The following THAP9 variants were observed in gnomAD, a reference collection of about 807,000 sequenced individuals.
The protein encoded by THAP9 is THAP domain containing 9, also known as DNA transposase THAP9.
In THAP9, 20 loss-of-function variants were observed where a neutral mutation model predicts 35.7. The ratio of observed to expected loss-of-function variants is 0.56; its 90% confidence interval spans 0.39 to 0.81. THAP9 has a LOEUF of 0.81. Ranked by LOEUF, THAP9 falls within the 40% of genes least tolerant of loss-of-function variation. THAP9 has a pLI of 0.00. For synonymous variants in THAP9, 335 were observed against 373.7 expected (o/e 0.90, Z 1.19); for missense variants, 870 against 1,047.4 (o/e 0.83, Z 2.34).
At chr4:82,904,189 C>T (rs1334753432) in intron 1 of THAP9, among the ~76,000 whole-genome samples, 4 of 151,530 alleles carry the variant, frequency 2.6e-5, no homozygotes, top group Non-Finnish European at 5.9e-5. Context: ...TCAGCCTCCC[C>T]AGTAGCTGGG....
intron 1 of THAP9, among the ~76,000 whole-genome samples, chr4:82,904,029 C>CA (rs1720536050): frequency 6.6e-6 from 1 of 150,568 alleles, no homozygotes; most frequent in Non-Finnish European, 1.5e-5. Context: ...AGCCCATACT[C>CA]ACTCAAGGGG....
intron 4 of THAP9, 135 bp downstream of exon 4, chr4:82,908,070 C>A: frequency 1.2e-6 from 1 of 857,026 alleles, no homozygotes; most frequent in Non-Finnish European, 1.7e-6. Context: ...GCTATTAGTA[C>A]TCATACTCCC....
At position 82,918,541 on chromosome 4, in the gene THAP9, C is replaced by G. The variant is rs766575010; in HGVS notation, c.2329C>G (p.Arg777Gly). ...SLCRVINICERVVRTHSRMAI... is the reference protein window; with the variant it reads ...SLCRVINICEGVVRTHSRMAI... ...GTGTCGGGTCATAAATATTTGTGAG[C>G]GAGTTGTAAGAACCCATTCAAGAAT... is the stretch of plus-strand genomic sequence containing the variant. Residue 777 changes from arginine to glycine, a missense_variant, in exon 5 of 5, where the codon CGA becomes GGA. Arg to Gly is a moderately radical substitution (Grantham distance 125, BLOSUM62 -2). This residue lies in a region of THAP9 where 414 missense variants were observed against 500.8 expected (regional missense o/e 0.83). Transcript: ENST00000302236. 1 of 1,613,910 alleles carries G rather than the reference C, an allele frequency of 6.2e-7. No individual in the cohort carries two copies. Among genetic ancestry groups the G allele is most frequent in the Admixed American group, 1.7e-5 (1 of 59,986 alleles).
intron 1 of THAP9, among the ~76,000 whole-genome samples, chr4:82,904,253 C>T (rs186744136): frequency 3.3e-5 from 5 of 151,838 alleles, no homozygotes; most frequent in South Asian, 4.2e-4. Flanking sequence ...TTAGTAGAGA[C>T]GGGGTTTCAC....
rs1403067411 is a variant in THAP9, at chr4:82,917,010, A to C, written c.798A>C (p.Arg266Ser). 1 of 1,573,596 alleles carries C rather than the reference A, an allele frequency of 6.4e-7. No homozygotes were observed. The highest frequency in any genetic ancestry group is 8.6e-7 in the Non-Finnish European group (1 of 1,162,668). Reference sequence around the variant, plus strand: ...ACATTTTTTCTTTTCTTCAACGAAGAGTAGAGAATGGAGATCAGCTCTATC... The same window carrying C: ...ACATTTTTTCTTTTCTTCAACGAAGCGTAGAGAATGGAGATCAGCTCTATC... ...NSNIFSFLQR[R>S]VENGDQLYQY... The change falls in exon 5 of 5, where the codon AGA becomes AGC. Residue 266 changes from arginine to serine, a missense_variant. Physicochemically the swap from Arg to Ser is moderately radical, Grantham distance 110. This residue lies in a region of THAP9 where 440 missense variants were observed against 501.2 expected (regional missense o/e 0.88). Transcript: ENST00000302236.
chr4:82,907,890 A>G lies in THAP9; in HGVS notation c.686A>G (p.Tyr229Cys). Residue 229 changes from tyrosine to cysteine, a missense_variant, in exon 4 of 5, where the codon TAT becomes TGT. Tyr to Cys is a radical substitution (Grantham distance 194). This residue lies in a region of THAP9 where 440 missense variants were observed against 501.2 expected (regional missense o/e 0.88). Coordinates refer to ENST00000302236, the MANE Select transcript of THAP9 (RefSeq NM_024672.6). ...LYLCSSKVYD[Y>C]VRKILKLPHS... Reference sequence around the variant, plus strand: ...TTGTGCAGTAGCAAAGTCTATGATTATGTAAGAAAGATTCTTAAGCTGCCT... The same window carrying G: ...TTGTGCAGTAGCAAAGTCTATGATTGTGTAAGAAAGATTCTTAAGCTGCCT... The G allele has an allele frequency of 6.2e-7, 1 of 1,611,550 alleles. No individual in the cohort carries two copies. Among genetic ancestry groups the G allele is most frequent in the Non-Finnish European group, 8.5e-7 (1 of 1,179,118 alleles).
At position 82,918,700 on chromosome 4, in the gene THAP9, AAT is replaced by A; in HGVS notation, c.2489_2490del (p.Asn830ThrfsTer19). ...CTTTGATGGAGAAGTGTGTGCCATCAATCACTTTGTCAAGTTGCTAAAGGATA... is the reference window on the plus strand; with the variant it reads ...CTTTGATGGAGAAGTGTGTGCCATCACACTTTGTCAAGTTGCTAAAGGATA... The part of the protein sequence containing the change: ...HLFDGEVCAI[N>X]HFVKLLKDII... On this transcript the variant is annotated frameshift_variant, in exon 5 of 5. Coordinates refer to ENST00000302236, the MANE Select transcript of THAP9 (RefSeq NM_024672.6). LOFTEE classifies it low-confidence loss of function (END_TRUNC). 4 of 1,614,046 alleles carry A rather than the reference AAT, an allele frequency of 2.5e-6. No individual in the cohort carries two copies. The highest frequency in any genetic ancestry group is 3.4e-6 in the Non-Finnish European group (4 of 1,179,956).
At position 82,917,103 on chromosome 4, in the gene THAP9, C is replaced by T; in HGVS notation, c.891C>T (p.His297=). The change falls in exon 5 of 5, where the codon CAC becomes CAT. Residue 297 remains histidine, a synonymous_variant. Transcript: ENST00000302236. ...AGCTTCAGTGGGATCCTAGCAGTCACAGTTTGCAGGGGTTTATGGACTTTG... is the reference window on the plus strand; with the variant it reads ...AGCTTCAGTGGGATCCTAGCAGTCATAGTTTGCAGGGGTTTATGGACTTTG... ...KQQLQWDPSS[H]SLQGFMDFGL... 6.2e-7 allele frequency: 1 copy of T among 1,613,402 alleles called. No individual in the cohort carries two copies. Among genetic ancestry groups the T allele is most frequent in the South Asian group, 1.1e-5 (1 of 91,006 alleles).
At chr4:82,902,489 G>C (rs1195980800) in intron 1 of THAP9, among the ~76,000 whole-genome samples, 1 of 152,142 alleles carries the variant, frequency 6.6e-6, no homozygotes, top group African/African-American at 2.4e-5. Flanking sequence ...CATGGACTAA[G>C]AATATCAACA....
At position 82,918,783 on chromosome 4, in the gene THAP9, ACAT is replaced by A. The variant is rs755761571; in HGVS notation, c.2575_2577del (p.His859del). The A allele has an allele frequency of 1.9e-6, 3 of 1,613,842 alleles. No individual in the cohort carries two copies. The highest frequency in any genetic ancestry group is 3.3e-5 in the Admixed American group (2 of 60,008). ...AAAATGTTGCACAGAATCCTTTAAA[ACAT>A]CATTCAGAGAGAACTGATATGAAAA... On this transcript the variant is annotated inframe_deletion, in exon 5 of 5. Transcript: ENST00000302236.
intron 4 of THAP9, among the ~76,000 whole-genome samples, chr4:82,911,995 C>T (rs1451097816): frequency 1.3e-5 from 2 of 152,130 alleles, no homozygotes; most frequent in South Asian, 2.1e-4. Flanking sequence ...GATAGGGTGC[C>T]TCATGAATTT....
chr4:82,907,306 A>G (rs181927491), intron 3 of THAP9, among the ~76,000 whole-genome samples: 1 of 151,986 alleles, frequency 6.6e-6, no homozygotes, highest in Non-Finnish European at 1.5e-5. Context: ...TGTTTTTCCA[A>G]GAGGGGACTA....
Position 82,919,209 on chromosome 4 carries a change from C to T in THAP9, c.*285C>T. On this transcript the variant is annotated 3_prime_UTR_variant, in exon 5 of 5. Transcript: ENST00000302236. ...ACTACTGTAAGACTAAGCAGTGTTA[C>T]TGGACACAGTTTTAACTTGTTCAAT... The T allele has an allele frequency of 4.3e-6, 1 of 233,500 alleles. No homozygotes were observed. Among genetic ancestry groups the T allele is most frequent in the Non-Finnish European group, 8.3e-6 (1 of 120,300 alleles). 14.5% of individuals were successfully genotyped at this position (233,500 alleles called of 1,614,324 possible). A position where few individuals can be genotyped will look rare whatever the true frequency, so the allele number is the denominator to read the frequency against.
Position 82,919,112 on chromosome 4 carries a change from T to C in THAP9, c.*188T>C, listed in dbSNP as rs111701961. On this transcript the variant is annotated 3_prime_UTR_variant, in exon 5 of 5. Transcript: ENST00000302236. The stretch of plus-strand genomic sequence containing the variant: ...CTTTTGGTATGGCTTGCAGCATTTA[T>C]GAGTTTTCCAAAATATAGAAAGCAG... 3,751 of 498,786 alleles carry C rather than the reference T, an allele frequency of 7.5e-3. 50 individuals carry two copies. Among genetic ancestry groups the C allele is most frequent in the Middle Eastern group, 0.016 (29 of 1,790 alleles). 30.9% of individuals were successfully genotyped at this position (498,786 alleles called of 1,614,324 possible).
In THAP9 at chr4:82,917,784, G is replaced by A. The variant is rs142358186; in HGVS notation, c.1572G>A (p.Arg524=). 1.1e-4 allele frequency: 180 copies of A among 1,613,746 alleles called. No homozygotes were observed. The highest frequency in any genetic ancestry group is 1.4e-4 in the Non-Finnish European group (170 of 1,179,954). The change falls in exon 5 of 5, where the codon AGG becomes AGA. Residue 524 remains arginine, a synonymous_variant. Coordinates refer to ENST00000302236, the MANE Select transcript of THAP9 (RefSeq NM_024672.6). ...INNLFDIFNS[R]NCYGKGLKGP... is the part of the protein sequence containing the mutation. ...ATCTGTTTGACATCTTTAATAGTAG[G>A]AACTGTTATGGAAAGGGACTTAAAG... is the stretch of plus-strand genomic sequence containing the variant.
intron 4 of THAP9, chr4:82,913,226 C>T (rs1482484189): frequency 6.6e-6 from 1 of 152,114 alleles, no homozygotes; most frequent in African/African-American, 2.4e-5. Flanking sequence ...AACAAATCCA[C>T]GTACCATTCT....
intron 1 of THAP9, among the ~76,000 whole-genome samples, chr4:82,902,810 G>A (rs1311279306): frequency 1.3e-5 from 2 of 152,144 alleles, no homozygotes; most frequent in Non-Finnish European, 2.9e-5. Flanking sequence ...AGGAAAGATC[G>A]AACTTTGGAT....
At position 82,918,206 on chromosome 4, in the gene THAP9, G is replaced by T. The variant is rs774105343; in HGVS notation, c.1994G>T (p.Arg665Leu). ...AGCATCTTTGACATTTCAATTGCTC[G>T]AAGGAAAGACTTGGCGCTTTGGACA... ...KVSIFDISIA[R>L]RKDLALWTVQ... Residue 665 changes from arginine to leucine, a missense_variant, in exon 5 of 5, where the codon CGA (arginine) becomes CTA (leucine). Arg to Leu is a moderately radical substitution (Grantham distance 102, BLOSUM62 -2). Coordinates refer to ENST00000302236, the MANE Select transcript of THAP9 (RefSeq NM_024672.6). The T allele has an allele frequency of 3.7e-6, 6 of 1,614,034 alleles. No homozygotes were observed. Among genetic ancestry groups the T allele is most frequent in the Non-Finnish European group, 5.1e-6 (6 of 1,180,008 alleles).
In THAP9 at chr4:82,918,689, T is replaced by G. The variant is rs186577808; in HGVS notation, c.2477T>G (p.Val826Gly). 146 of 1,613,888 alleles carry G rather than the reference T, an allele frequency of 9.0e-5. No individual in the cohort carries two copies. The East Asian group carries it at 3.1e-3, about 34-fold the overall frequency. ...DVNKHLFDGE[V>G]CAINHFVKLL... Reference sequence around the variant, plus strand: ...AATAAGCATCTCTTTGATGGAGAAGTGTGTGCCATCAATCACTTTGTCAAG... The same window carrying G: ...AATAAGCATCTCTTTGATGGAGAAGGGTGTGCCATCAATCACTTTGTCAAG... Residue 826 changes from valine to glycine, a missense_variant, in exon 5 of 5, where the codon GTG becomes GGG. Around this residue, in one of 3 missense-constraint regions of THAP9, gnomAD observed 414 missense variants for 500.8 expected, o/e 0.83. Coordinates refer to ENST00000302236, the MANE Select transcript of THAP9 (RefSeq NM_024672.6).
Sources: gnomAD v4.1 joint callset for allele counts (sites outside exome capture counted in the v4.1 genomes callset) on GRCh38, gnomAD v4.1.1 for gene constraint, gnomAD v4.1.1 regional missense constraint, MANE v1.5 for transcripts, NCBI Gene and HGNC (gene_info 2026-07-23, HGNC 2026-07-21) for gene names.